DMTF1: variants seen among roughly 807,000 people sequenced by gnomAD.
DMTF1 encodes cyclin D binding myb like transcription factor 1.
DMTF1 carries 39 observed loss-of-function variants against 91.1 expected under a neutral mutation model. That is an observed-to-expected ratio of 0.43 (90% CI 0.33 to 0.56). DMTF1 has a LOEUF of 0.56. Among genes scored for constraint, DMTF1 ranks in the 20% least tolerant of loss-of-function variants. The probability of loss-of-function intolerance (pLI) is 0.05; values close to 1 mark genes in which losing one functional copy is unlikely to be tolerated. For missense variants in DMTF1, 750 were observed against 914.5 expected (o/e 0.82, Z 2.32); for synonymous variants, 338 against 309.5 (o/e 1.09, Z -0.97).
chr7:87,177,894 AG>A (rs1796572697), intron 7 of DMTF1, among the ~76,000 whole-genome samples: 1 of 152,136 alleles, frequency 6.6e-6, no homozygotes, highest in Admixed American at 6.6e-5. Flanking sequence ...TACTTGCACC[AG>A]TACAGCGCTG....
intron 4 of DMTF1, among the ~76,000 whole-genome samples, chr7:87,167,566 A>G (rs1794109044): frequency 1.3e-5 from 2 of 151,932 alleles, no homozygotes; most frequent in Non-Finnish European, 1.5e-5. Flanking sequence ...CTTGGTTTTC[A>G]GCATGGAAAA....
intron 4 of DMTF1, among the ~76,000 whole-genome samples, chr7:87,167,089 A>G (rs1309047691): frequency 3.3e-5 from 5 of 152,224 alleles, no homozygotes; most frequent in Admixed American, 2.0e-4. Flanking sequence ...AAACTGAGAC[A>G]CAGAAAATTA....
intron 13 of DMTF1, among the ~76,000 whole-genome samples, chr7:87,189,883 C>G (rs1799345464): frequency 6.6e-6 from 1 of 152,030 alleles, no homozygotes. Flanking sequence ...GGAATCACTT[C>G]AAATTATTAT....
intron 2 of DMTF1, among the ~76,000 whole-genome samples, chr7:87,164,070 A>C (rs1228597235): frequency 6.6e-6 from 1 of 151,866 alleles, no homozygotes; most frequent in African/African-American, 2.4e-5. Context: ...AAAAAAAAAA[A>C]AAAAAAAAGC....
At chr7:87,194,905 A>C (rs770184536) in intron 17 of DMTF1, 77 bp downstream of exon 17, 1 of 1,503,572 alleles carries the variant, frequency 6.7e-7, no homozygotes, top group Non-Finnish European at 9.1e-7. Context: ...AACTTGTTTC[A>C]GTCTTTCTTG....
intron 7 of DMTF1, among the ~76,000 whole-genome samples, chr7:87,178,061 A>G (rs1429843897): frequency 6.6e-6 from 1 of 152,090 alleles, no homozygotes; most frequent in Non-Finnish European, 1.5e-5. Flanking sequence ...TTTGTACATC[A>G]ACTTGGGGGG....
chr7:87,193,438 T>G (rs1216882484), intron 15 of DMTF1, 85 bp downstream of exon 15: 5 of 1,368,586 alleles, frequency 3.7e-6, no homozygotes, highest in Admixed American at 1.8e-5. Context: ...GGTAGTTATC[T>G]AAACAGTTCT....
At chr7:87,178,143 T>A (rs1373412627) in intron 7 of DMTF1, among the ~76,000 whole-genome samples, 1 of 152,114 alleles carries the variant, frequency 6.6e-6, no homozygotes, top group African/African-American at 2.4e-5. Flanking sequence ...TAGTTCCTCT[T>A]CAGTATCAAG....
Position 87,193,322 on chromosome 7 carries a change from C to T in DMTF1, c.1619C>T (p.Ser540Phe). The change falls in exon 15 of 18, where the codon TCT becomes TTT. Residue 540 changes from serine (S) to phenylalanine (F), a missense_variant. This residue lies in a region of DMTF1 where 410 missense variants were observed against 420.2 expected (regional missense o/e 0.98). Coordinates refer to ENST00000331242, the MANE Select transcript of DMTF1 (RefSeq NM_001142327.2). ...ACCCTGACAGCTGCTGCTCCTGCTT[C>T]TCCTGAACAGATTATTGTTCATGCT... ...TVTLTAAAPASPEQIIVHALS... is the reference protein window; with the variant it reads ...TVTLTAAAPAFPEQIIVHALS... The T allele has an allele frequency of 3.1e-6, 5 of 1,613,402 alleles. No individual in the cohort carries two copies. Among genetic ancestry groups the T allele is most frequent in the Non-Finnish European group, 4.2e-6 (5 of 1,179,554 alleles).
intron 10 of DMTF1, among the ~76,000 whole-genome samples, chr7:87,182,651 T>C (rs1414948371): frequency 6.6e-6 from 1 of 152,222 alleles, no homozygotes; most frequent in African/African-American, 2.4e-5. Flanking sequence ...AAGACATACA[T>C]GCAGCAAGTA....
intron 3 of DMTF1, among the ~76,000 whole-genome samples, chr7:87,165,486 C>G (rs1793625048): frequency 6.6e-6 from 1 of 152,176 alleles, no homozygotes; most frequent in South Asian, 2.1e-4. Flanking sequence ...TACTCCCCGA[C>G]TTGCTCATTA....
intron 1 of DMTF1, among the ~76,000 whole-genome samples, chr7:87,159,870 A>G (rs1791811744): frequency 6.6e-6 from 1 of 152,250 alleles, no homozygotes; most frequent in Non-Finnish European, 1.5e-5. Context: ...AAGGTACAGT[A>G]AAAATATAGT....
Position 87,196,003 on chromosome 7 carries a change from C to CTCA in DMTF1, c.*866_*868dup, listed in dbSNP as rs1801149610. ...TAGCTGGTGGGGTACAATATAACCT[C>CTCA]TCATCTCAGGCTATTTTAAAAAAAC... On this transcript the variant is annotated 3_prime_UTR_variant, in exon 18 of 18. Transcript: ENST00000331242. 6.6e-6 allele frequency: 1 copy of CTCA among 152,112 alleles called. No homozygotes were observed. The highest frequency in any genetic ancestry group is 1.5e-5 in the Non-Finnish European group (1 of 67,968). The allele number at this position is 152,112 out of a possible 1,614,324, so 9.4% of individuals were successfully genotyped here.
At position 87,159,157 on chromosome 7, in the gene DMTF1, T is replaced by G. The variant is rs146269370; in HGVS notation, c.-131-4338T>G. On this transcript the variant is annotated intron_variant, in intron 1 of 17. Transcript: ENST00000331242. ...TTAAAGTTTTTAATGGAAATGTCAG[T>G]AAGGCATATAACTACATTTGTCAGG... Among the ~76,000 whole-genome samples the G allele has an allele frequency of 1.7e-3, 266 of 152,248 alleles. 1 individual carries two copies. Among genetic ancestry groups the G allele is most frequent in the African/African-American group, 5.9e-3 (246 of 41,558 alleles).
At position 87,174,660 on chromosome 7, in the gene DMTF1, C is replaced by T. The variant is rs1795844726; in HGVS notation, c.510C>T (p.Arg170=). ...ATATTTTGATGAACAATATTGAACG[C>T]TATCTTAAGGTATCTTATGGCATAT... The part of the protein sequence containing the change: ...EIDILMNNIE[R]YLKARGIKDA... The change falls in exon 7 of 18, where the codon CGC becomes CGT. Residue 170 remains arginine, a synonymous_variant. Coordinates refer to ENST00000331242, the MANE Select transcript of DMTF1 (RefSeq NM_001142327.2). 1 of 1,604,916 alleles carries T rather than the reference C, an allele frequency of 6.2e-7. No homozygotes were observed. Among genetic ancestry groups the T allele is most frequent in the Non-Finnish European group, 8.5e-7 (1 of 1,174,448 alleles).
rs770091343 is a variant in DMTF1 at position 87,194,692 on chromosome 7, G to A, written c.2037G>A (p.Glu679=). ...LASAYVTEGL[E]SPTIEEQVDQ... is the part of the protein sequence containing the mutation. ...TTTTTAATGTTATTTAGGGTTTAGA[G>A]TCTCCCACTATAGAAGAACAAGTTG... Residue 679 remains glutamate, a synonymous_variant, in exon 17 of 18, where the codon GAG becomes GAA. Transcript: ENST00000331242. 6.2e-6 allele frequency: 10 copies of A among 1,605,318 alleles called. No homozygotes were observed. In the Admixed American group the frequency reaches 1.5e-4, roughly 24 times the overall value.
intron 11 of DMTF1, among the ~76,000 whole-genome samples, chr7:87,185,318 C>T (rs1169214528): frequency 6.6e-6 from 1 of 152,098 alleles, no homozygotes; most frequent in Non-Finnish European, 1.5e-5. Flanking sequence ...TTTTAAACCT[C>T]AAATTTTGTT....
Position 87,175,735 on chromosome 7 carries a change from G to A in DMTF1, c.519+1066G>A, listed in dbSNP as rs574749253. ...TGAGGGAACTGCATGAATACATGCC[G>A]AAGCAGCAAGAAATCAAAGATCAAA... On this transcript the variant is annotated intron_variant, in intron 7 of 17. Coordinates refer to ENST00000331242, the MANE Select transcript of DMTF1 (RefSeq NM_001142327.2). Among the ~76,000 whole-genome samples, 16 of 152,296 alleles carry A rather than the reference G, an allele frequency of 1.1e-4. No homozygotes were observed. In the East Asian group the frequency reaches 1.5e-3, roughly 15 times the overall value.
At chr7:87,177,639 G>A (rs1796520705) in intron 7 of DMTF1, among the ~76,000 whole-genome samples, 2 of 152,078 alleles carry the variant, frequency 1.3e-5, no homozygotes, top group Non-Finnish European at 2.9e-5. Context: ...TGTTTTGCAT[G>A]CATGCATGCT....
Sources: allele counts gnomAD v4.1 joint callset (sites outside exome capture counted in the v4.1 genomes callset), GRCh38; gene constraint gnomAD v4.1.1; regional missense constraint gnomAD v4.1.1; transcripts MANE v1.5; gene names NCBI Gene and HGNC (gene_info 2026-07-23, HGNC 2026-07-21).